Variants in IFNA16 observed in about 807,000 individuals in gnomAD.
The protein encoded by IFNA16 is interferon alpha-16.
For synonymous variants in IFNA16, 122 were observed against 83.3 expected, an observed-to-expected ratio of 1.46 and a Z score of -2.53; for missense variants, 332 against 213.5, an observed-to-expected ratio of 1.55 and a Z score of -3.46.
At position 21,216,696 on chromosome 9, in the gene IFNA16, G is replaced by A; in HGVS notation, c.*40C>T. ...AGAACTCATGAAAGTGTGAGATGAT[G>A]TATTAATCAATGAGGATCATTTCCA... On this transcript the variant is annotated 3_prime_UTR_variant, in exon 1 of 1. Transcript: ENST00000380216. 6.2e-7 allele frequency: 1 copy of A among 1,600,874 alleles called. No homozygotes were observed. The highest frequency in any genetic ancestry group is 8.5e-7 in the Non-Finnish European group (1 of 1,174,392).
At position 21,216,549 on chromosome 9, in the gene IFNA16, A is replaced by G; in HGVS notation, c.*187T>C. On this transcript the variant is annotated 3_prime_UTR_variant, in exon 1 of 1. Coordinates refer to ENST00000380216, the MANE Select transcript of IFNA16 (RefSeq NM_002173.3). ...TAAATAGATGAATAGAGACATCAGC[A>G]TGGTCATCTGTAAAGGACTAGTGCC... The G allele has an allele frequency of 1.8e-6, 1 of 567,780 alleles. No individual in the cohort carries two copies. The highest frequency in any genetic ancestry group is 2.8e-6 in the Non-Finnish European group (1 of 352,908). 35.2% of individuals were successfully genotyped at this position (567,780 alleles called of 1,614,324 possible).
chr9:21,216,571 T>G lies in IFNA16; in HGVS notation c.*165A>C. 2 of 891,530 alleles carry G rather than the reference T, an allele frequency of 2.2e-6. No homozygotes were observed. Among genetic ancestry groups the G allele is most frequent in the Non-Finnish European group, 3.4e-6 (2 of 596,566 alleles). The allele number at this position is 891,530 out of a possible 1,614,324, so 55.2% of individuals were successfully genotyped here. On this transcript the variant is annotated 3_prime_UTR_variant, in exon 1 of 1. Coordinates refer to ENST00000380216, the MANE Select transcript of IFNA16 (RefSeq NM_002173.3). The stretch of plus-strand genomic sequence containing the variant: ...AGCATGGTCATCTGTAAAGGACTAG[T>G]GCCTGCACAGGTAAACACGATGCTT...
chr9:21,216,713 T>C lies in IFNA16; in HGVS notation c.*23A>G. On this transcript the variant is annotated 3_prime_UTR_variant, in exon 1 of 1. Coordinates refer to ENST00000380216, the MANE Select transcript of IFNA16 (RefSeq NM_002173.3). The stretch of plus-strand genomic sequence containing the variant: ...GAGATGATGTATTAATCAATGAGGA[T>C]CATTTCCATGTTGAATGAGTTTTCA... 6.2e-7 allele frequency: 1 copy of C among 1,609,444 alleles called. No individual in the cohort carries two copies. The highest frequency in any genetic ancestry group is 8.5e-7 in the Non-Finnish European group (1 of 1,178,044).
rs1235779822 is a variant in IFNA16, at chr9:21,217,077, T to C, written c.229A>G (p.Ile77Val). Residue 77 changes from isoleucine to valine, a missense_variant, in exon 1 of 1, where the codon ATC (isoleucine) becomes GTC (valine). By Grantham distance (29) the Ile-to-Val change is conservative. Coordinates refer to ENST00000380216, the MANE Select transcript of IFNA16 (RefSeq NM_002173.3). ...TGGATCATCTCATGGAAGGCAGAGA[T>C]GGCTTGAGCCTTCTGGAACTGGTTG... ...DGNQFQKAQAISAFHEMIQQT... is the reference protein window; with the variant it reads ...DGNQFQKAQAVSAFHEMIQQT... 6.2e-7 allele frequency: 1 copy of C among 1,613,852 alleles called. No homozygotes were observed. The highest frequency in any genetic ancestry group is 1.3e-5 in the African/African-American group (1 of 74,908).
In IFNA16 at chr9:21,217,199, C is replaced by T. The variant is rs1818473539; in HGVS notation, c.107G>A (p.Arg36Lys). Residue 36 changes from arginine to lysine, a missense_variant, in exon 1 of 1, where the codon AGG becomes AAG. Coordinates refer to ENST00000380216, the MANE Select transcript of IFNA16 (RefSeq NM_002173.3). Reference sequence around the variant, plus strand: ...CATTTGTGCCAGGAGTATCAAGGCCCTCCTATTACCCAGGCTGTGAGTCTG... The same window carrying T: ...CATTTGTGCCAGGAGTATCAAGGCCTTCCTATTACCCAGGCTGTGAGTCTG... ...LPQTHSLGNR[R>K]ALILLAQMGR... 1 of 1,614,000 alleles carries T rather than the reference C, an allele frequency of 6.2e-7. No individual in the cohort carries two copies. The highest frequency in any genetic ancestry group is 8.5e-7 in the Non-Finnish European group (1 of 1,179,962).
In IFNA16 at chr9:21,217,115, T is replaced by A. The variant is rs762545346; in HGVS notation, c.191A>T (p.Glu64Val). ...KDRYDFGFPQ[E>V]VFDGNQFQKA... Reference sequence around the variant, plus strand: ...CTGGAACTGGTTGCCATCAAACACCTCCTGGGGGAATCCGAAATCATATCT... The same window carrying A: ...CTGGAACTGGTTGCCATCAAACACCACCTGGGGGAATCCGAAATCATATCT... Residue 64 changes from glutamate to valine, a missense_variant, in exon 1 of 1, where the codon GAG becomes GTG. Physicochemically the swap from Glu to Val is moderately radical, Grantham distance 121 (BLOSUM62 -2). Coordinates refer to ENST00000380216, the MANE Select transcript of IFNA16 (RefSeq NM_002173.3). 6.2e-7 allele frequency: 1 copy of A among 1,613,950 alleles called. No homozygotes were observed. Among genetic ancestry groups the A allele is most frequent in the South Asian group, 1.1e-5 (1 of 91,072 alleles).
In IFNA16 at chr9:21,216,954, C is replaced by G. The variant is rs1818466939; in HGVS notation, c.352G>C (p.Asp118His). 1.9e-6 allele frequency: 3 copies of G among 1,613,786 alleles called. No homozygotes were observed. The highest frequency in any genetic ancestry group is 2.5e-6 in the Non-Finnish European group (3 of 1,179,950). Reference sequence around the variant, plus strand: ...TCCTGTGTCACACAGGCTTCTAGGTCATTCAGTTGCTGGAAAAGTTCAATG... The same window carrying G: ...TCCTGTGTCACACAGGCTTCTAGGTGATTCAGTTGCTGGAAAAGTTCAATG... The part of the protein sequence containing the change: ...FYIELFQQLN[D>H]LEACVTQEVG... Residue 118 changes from aspartate to histidine, a missense_variant, in exon 1 of 1, where the codon GAC becomes CAC. Physicochemically the swap from Asp to His is moderately conservative, Grantham distance 81. Coordinates refer to ENST00000380216, the MANE Select transcript of IFNA16 (RefSeq NM_002173.3).
Position 21,216,948 on chromosome 9 carries a change from C to G in IFNA16, c.358G>C (p.Glu120Gln), listed in dbSNP as rs1818466769. ...CCAACCTCCTGTGTCACACAGGCTT[C>G]TAGGTCATTCAGTTGCTGGAAAAGT... ...IELFQQLNDL[E>Q]ACVTQEVGVE... The change falls in exon 1 of 1, where the codon GAA becomes CAA. Residue 120 changes from glutamate to glutamine, a missense_variant. Physicochemically the swap from Glu to Gln is conservative, Grantham distance 29. Coordinates refer to ENST00000380216, the MANE Select transcript of IFNA16 (RefSeq NM_002173.3). The G allele has an allele frequency of 6.2e-6, 10 of 1,613,964 alleles. No individual in the cohort carries two copies. Among genetic ancestry groups the G allele is most frequent in the Non-Finnish European group, 8.5e-6 (10 of 1,179,956 alleles).
In IFNA16 at chr9:21,216,888, T is replaced by G. The variant is rs1818465078; in HGVS notation, c.418A>C (p.Ile140Leu). ...TGAAAGTATTTCCTCACAGCCAGGA[T>G]GGAGTCCTCATTCATCAGGGCAATC... Reference protein sequence around the residue: ...EEIALMNEDSILAVRKYFQRI... With the variant: ...EEIALMNEDSLLAVRKYFQRI... Residue 140 changes from isoleucine (I) to leucine (L), a missense_variant, in exon 1 of 1, where the codon ATC becomes CTC. Physicochemically the swap from Ile to Leu is conservative, Grantham distance 5. Transcript: ENST00000380216. The G allele has an allele frequency of 1.1e-5, 17 of 1,614,036 alleles. No individual in the cohort carries two copies. The highest frequency in any genetic ancestry group is 1.4e-5 in the Non-Finnish European group (17 of 1,179,964).
Position 21,216,796 on chromosome 9 carries a change from T to C in IFNA16, c.510A>G (p.Glu170=). 1 of 1,613,996 alleles carries C rather than the reference T, an allele frequency of 6.2e-7. No homozygotes were observed. Among genetic ancestry groups the C allele is most frequent in the East Asian group, 2.2e-5 (1 of 44,876 alleles). ...TTGAAAAAGAGAAGGATCTCATGATTTCTGCTCTGACAACCTCCCAGGCAC... is the reference window on the plus strand; with the variant it reads ...TTGAAAAAGAGAAGGATCTCATGATCTCTGCTCTGACAACCTCCCAGGCAC... ...SPCAWEVVRA[E]IMRSFSFSTN... is the part of the protein sequence containing the mutation. The change falls in exon 1 of 1, where the codon GAA becomes GAG. Residue 170 remains glutamate, a synonymous_variant. Coordinates refer to ENST00000380216, the MANE Select transcript of IFNA16 (RefSeq NM_002173.3).
Position 21,217,240 on chromosome 9 carries a change from C to T in IFNA16, c.66G>A (p.Leu22=), listed in dbSNP as rs541818455. 33 of 1,613,974 alleles carry T rather than the reference C, an allele frequency of 2.0e-5. No homozygotes were observed. Among genetic ancestry groups the T allele is most frequent in the Admixed American group, 8.3e-5 (5 of 59,988 alleles). ...LVLSYKSICS[L]GCDLPQTHSL... ...TGTGAGTCTGAGGCAGATCACAGCCCAGAGAACAGATGGATTTGTAGCTGA... is the reference window on the plus strand; with the variant it reads ...TGTGAGTCTGAGGCAGATCACAGCCTAGAGAACAGATGGATTTGTAGCTGA... The change falls in exon 1 of 1, where the codon CTG becomes CTA. Residue 22 remains leucine (L), a synonymous_variant. Coordinates refer to ENST00000380216, the MANE Select transcript of IFNA16 (RefSeq NM_002173.3).
Position 21,216,658 on chromosome 9 carries a change from T to C in IFNA16, c.*78A>G. 1 of 1,553,382 alleles carries C rather than the reference T, an allele frequency of 6.4e-7. No homozygotes were observed. The highest frequency in any genetic ancestry group is 1.4e-5 in the African/African-American group (1 of 72,316). On this transcript the variant is annotated 3_prime_UTR_variant, in exon 1 of 1. Transcript: ENST00000380216. Reference sequence around the variant, plus strand: ...AACTTGTGGTGGTTATAGAAGTGAGTCTTTGAAATGGAAGAACTCATGAAA... The same window carrying C: ...AACTTGTGGTGGTTATAGAAGTGAGCCTTTGAAATGGAAGAACTCATGAAA...
Position 21,216,972 on chromosome 9 carries a change from G to T in IFNA16, c.334C>A (p.Leu112Ile). 1.2e-6 allele frequency: 2 copies of T among 1,613,872 alleles called. No individual in the cohort carries two copies. The highest frequency in any genetic ancestry group is 8.5e-7 in the Non-Finnish European group (1 of 1,179,936). The change falls in exon 1 of 1, where the codon CTT (leucine) becomes ATT (isoleucine). Residue 112 changes from leucine (L) to isoleucine (I), a missense_variant. Physicochemically the swap from Leu to Ile is conservative, Grantham distance 5. Transcript: ENST00000380216. ...ETLLDKFYIE[L>I]FQQLNDLEAC... ...TCTAGGTCATTCAGTTGCTGGAAAA[G>T]TTCAATGTAGAATTTGTCTAGGAGG...
chr9:21,216,918 C>G lies in IFNA16; in HGVS notation c.388G>C (p.Glu130Gln). ...TCCTCATTCATCAGGGCAATCTCTT[C>G]CACCCCAACCTCCTGTGTCACACAG... ...EACVTQEVGV[E>Q]EIALMNEDSI... Residue 130 changes from glutamate (E) to glutamine (Q), a missense_variant, in exon 1 of 1, where the codon GAA becomes CAA. Transcript: ENST00000380216. 1 of 1,613,954 alleles carries G rather than the reference C, an allele frequency of 6.2e-7. No homozygotes were observed. Among genetic ancestry groups the G allele is most frequent in the Non-Finnish European group, 8.5e-7 (1 of 1,179,932 alleles).
rs1170115222 is a variant in IFNA16, at chr9:21,216,527, A to C, written c.*209T>G. On this transcript the variant is annotated 3_prime_UTR_variant, in exon 1 of 1. Transcript: ENST00000380216. ...GTTAAATAAATAAATATTTAAATAA[A>C]TAGATGAATAGAGACATCAGCATGG... The C allele has an allele frequency of 2.6e-6, 1 of 380,092 alleles. No homozygotes were observed. The highest frequency in any genetic ancestry group is 5.0e-5 in the East Asian group (1 of 20,180). 23.5% of individuals were successfully genotyped at this position (380,092 alleles called of 1,614,324 possible). A position where few individuals can be genotyped will look rare whatever the true frequency, so the allele number is the denominator to read the frequency against.
At position 21,217,162 on chromosome 9, in the gene IFNA16, A is replaced by G. The variant is rs1227422349; in HGVS notation, c.144T>C (p.Ser48=). ...LILLAQMGRI[S]HFSCLKDRYD... Reference sequence around the variant, plus strand: ...ATCTGTCCTTCAGGCAGGAGAAATGAGAGATTCTTCCCATTTGTGCCAGGA... The same window carrying G: ...ATCTGTCCTTCAGGCAGGAGAAATGGGAGATTCTTCCCATTTGTGCCAGGA... Residue 48 remains serine (S), a synonymous_variant, in exon 1 of 1, where the codon TCT becomes TCC. Transcript: ENST00000380216. The G allele has an allele frequency of 1.2e-6, 2 of 1,614,040 alleles. No individual in the cohort carries two copies. The highest frequency in any genetic ancestry group is 8.5e-7 in the Non-Finnish European group (1 of 1,179,984).
Position 21,216,671 on chromosome 9 carries a change from A to G in IFNA16, c.*65T>C, listed in dbSNP as rs941508117. The G allele has an allele frequency of 1.2e-5, 19 of 1,569,816 alleles. No individual in the cohort carries two copies. The Admixed American group carries it at 2.4e-4, about 20-fold the overall frequency. ...TATAGAAGTGAGTCTTTGAAATGGA[A>G]GAACTCATGAAAGTGTGAGATGATG... On this transcript the variant is annotated 3_prime_UTR_variant, in exon 1 of 1. Transcript: ENST00000380216.
Position 21,216,587 on chromosome 9 carries a change from C to T in IFNA16, c.*149G>A. 4.3e-6 allele frequency: 5 copies of T among 1,154,312 alleles called. No homozygotes were observed. The highest frequency in any genetic ancestry group is 3.6e-6 in the Non-Finnish European group (3 of 825,964). 71.5% of individuals were successfully genotyped at this position (1,154,312 alleles called of 1,614,324 possible). A position where few individuals can be genotyped will look rare whatever the true frequency, so the allele number is the denominator to read the frequency against. On this transcript the variant is annotated 3_prime_UTR_variant, in exon 1 of 1. Transcript: ENST00000380216. Reference sequence around the variant, plus strand: ...AAGGACTAGTGCCTGCACAGGTAAACACGATGCTTCTTTACACTCCTGAAA... The same window carrying T: ...AAGGACTAGTGCCTGCACAGGTAAATACGATGCTTCTTTACACTCCTGAAA...
chr9:21,217,134 C>T lies in IFNA16; in HGVS notation c.172G>A (p.Asp58Asn), dbSNP rs1234058992. ...AACACCTCCTGGGGGAATCCGAAATCATATCTGTCCTTCAGGCAGGAGAAA... is the reference window on the plus strand; with the variant it reads ...AACACCTCCTGGGGGAATCCGAAATTATATCTGTCCTTCAGGCAGGAGAAA... ...SHFSCLKDRYDFGFPQEVFDG... is the reference protein window; with the variant it reads ...SHFSCLKDRYNFGFPQEVFDG... Residue 58 changes from aspartate (D) to asparagine (N), a missense_variant, in exon 1 of 1, where the codon GAT becomes AAT. Transcript: ENST00000380216. 1 of 1,614,054 alleles carries T rather than the reference C, an allele frequency of 6.2e-7. No individual in the cohort carries two copies. The highest frequency in any genetic ancestry group is 2.2e-5 in the East Asian group (1 of 44,866).
Sources: allele counts gnomAD v4.1 joint callset, GRCh38; gene constraint gnomAD v4.1.1; transcripts MANE v1.5; gene names NCBI Gene and HGNC (gene_info 2026-07-23, HGNC 2026-07-21).